Variants in GSN observed in about 807,000 individuals in gnomAD.
GSN encodes actin-depolymerizing factor.
A neutral mutation model predicts 85.7 loss-of-function variants in GSN; 56 were observed. That is an observed-to-expected ratio of 0.65 (90% confidence interval 0.53 to 0.82). The LOEUF (loss-of-function observed/expected upper bound fraction) is 0.82. GSN is among the 40% of genes least tolerant of loss of function. The probability of loss-of-function intolerance (pLI) is 0.00; values close to 1 mark genes in which losing one functional copy is unlikely to be tolerated. For missense variants in GSN, 857 were observed against 979.8 expected, an observed-to-expected ratio of 0.87 and a Z score of 1.67; for synonymous variants, 373 against 399.1, an observed-to-expected ratio of 0.93 and a Z score of 0.78.
intron 7 of GSN, among the ~76,000 whole-genome samples, chr9:121,316,054 C>T (rs2061672899): frequency 6.6e-6 from 1 of 152,210 alleles, no homozygotes; most frequent in Non-Finnish European, 1.5e-5. Flanking sequence ...AGGACTGCTA[C>T]CTCACAGTCA....
chr9:121,313,007 C>T (rs306762), intron 6 of GSN: 1 of 154,120 alleles, frequency 6.5e-6, no homozygotes, highest in African/African-American at 2.4e-5. Flanking sequence ...CACAACTCCC[C>T]GACTACCCTG....
chr9:121,266,913 A>C (rs1035252912), upstream of GSN, among the ~76,000 whole-genome samples: 13 of 152,166 alleles, frequency 8.5e-5, no homozygotes, highest in African/African-American at 3.1e-4. Flanking sequence ...CCTGGCTGCT[A>C]TTCAATGGAA....
chr9:121,259,567 A>T (rs1588504540), intron 6 of GSN, among the ~76,000 whole-genome samples: 2 of 152,284 alleles, frequency 1.3e-5, no homozygotes, highest in South Asian at 4.1e-4. Context: ...AACCAGCAGG[A>T]TTCTGTGGCA....
intron 4 of GSN, among the ~76,000 whole-genome samples, chr9:121,211,905 T>C (rs1564332453): frequency 6.6e-6 from 1 of 152,160 alleles, no homozygotes; most frequent in African/African-American, 2.4e-5. Flanking sequence ...AACAGCTGGA[T>C]AAGGGAATCT....
At chr9:121,286,167 G>A (rs1215246706) in intron 2 of GSN, 2 of 1,534,912 alleles carry the variant, frequency 1.3e-6, no homozygotes. Flanking sequence ...AAGCCCTCAG[G>A]GGCAATTCTG....
chr9:121,223,779 C>G (rs1422896578), intron 4 of GSN, among the ~76,000 whole-genome samples: 1 of 152,164 alleles, frequency 6.6e-6, no homozygotes, highest in Non-Finnish European at 1.5e-5. Context: ...CGTGCCTCAG[C>G]CTCCCGAGTA....
In GSN at chr9:121,281,501, T is replaced by G. The variant is rs1198254279; in HGVS notation, c.-71T>G. Reference sequence around the variant, plus strand: ...CTCATAGCTCTCTTTGTCCAGTGCTTCGGCCTTGGTCCCAGCGCCTTCCCA... The same window carrying G: ...CTCATAGCTCTCTTTGTCCAGTGCTGCGGCCTTGGTCCCAGCGCCTTCCCA... On this transcript the variant is annotated 5_prime_UTR_variant, in exon 2 of 18. Coordinates refer to ENST00000432226, the MANE Select transcript of GSN (RefSeq NM_198252.3). 1 of 392,864 alleles carries G rather than the reference T, an allele frequency of 2.5e-6. No homozygotes were observed. The highest frequency in any genetic ancestry group is 5.2e-6 in the Non-Finnish European group (1 of 191,056). The allele number at this position is 392,864 out of a possible 1,614,324, so 24.3% of individuals were successfully genotyped here.
intron 3 of GSN, 86 bp downstream of exon 3, chr9:121,302,253 G>A (rs2059961539): frequency 1.4e-6 from 2 of 1,431,022 alleles, no homozygotes; most frequent in Admixed American, 1.7e-5. Context: ...GGAGGGAACT[G>A]ATTATTGAGC....
At chr9:121,239,327 C>A in intron 5 of GSN, 1 of 420,732 alleles carries the variant, frequency 2.4e-6, no homozygotes. Context: ...GCAATCCACC[C>A]AATAGTTGGG....
intron 5 of GSN, among the ~76,000 whole-genome samples, chr9:121,242,627 G>C (rs1209583177): frequency 6.6e-6 from 1 of 152,192 alleles, no homozygotes; most frequent in Non-Finnish European, 1.5e-5. Flanking sequence ...GGTAGGGACT[G>C]TTGGTTGCCA....
intron 4 of GSN, among the ~76,000 whole-genome samples, chr9:121,230,695 T>C (rs2054370923): frequency 6.6e-6 from 1 of 152,190 alleles, no homozygotes; most frequent in South Asian, 2.1e-4. Flanking sequence ...TTAAATGGGT[T>C]CATTCATAGA....
chr9:121,276,511 G>T (rs1338773137), intron 1 of GSN, among the ~76,000 whole-genome samples: 3 of 152,230 alleles, frequency 2.0e-5, no homozygotes, highest in African/African-American at 7.2e-5. Flanking sequence ...ACTTTGGTGT[G>T]ACTGTGGTGA....
chr9:121,279,121 G>C (rs535417220), intron 1 of GSN, among the ~76,000 whole-genome samples: 1 of 152,066 alleles, frequency 6.6e-6, no homozygotes, highest in South Asian at 2.1e-4. Context: ...GGCAGATTAG[G>C]GGGTGTGGAG....
upstream of GSN, among the ~76,000 whole-genome samples, chr9:121,206,935 G>A (rs900948992): frequency 5.9e-5 from 9 of 152,064 alleles, no homozygotes; most frequent in Non-Finnish European, 1.2e-4. Flanking sequence ...CACACTCAGT[G>A]GGGCATAATG....
chr9:121,286,136 G>A (rs1223672980), intron 2 of GSN: 2 of 1,535,484 alleles, frequency 1.3e-6, no homozygotes, highest in Non-Finnish European at 1.7e-6. Flanking sequence ...GCTCCCCCCA[G>A]CCTCGCGATG....
chr9:121,313,008 G>A (rs1348395035), intron 6 of GSN: 1 of 154,744 alleles, frequency 6.5e-6, no homozygotes, highest in Non-Finnish European at 1.4e-5. Context: ...ACAACTCCCC[G>A]ACTACCCTGA....
chr9:121,324,100 C>T (rs2062848002), intron 11 of GSN, among the ~76,000 whole-genome samples: 1 of 152,184 alleles, frequency 6.6e-6, no homozygotes, highest in South Asian at 2.1e-4. Flanking sequence ...TTTTGGTGAA[C>T]ATCTGTGCAG....
intron 2 of GSN, among the ~76,000 whole-genome samples, chr9:121,289,198 C>G (rs1024038790): frequency 2.0e-5 from 3 of 151,986 alleles, no homozygotes; most frequent in Admixed American, 1.3e-4. Flanking sequence ...CTCCCTCCTC[C>G]TCCCTGTCTC....
At chr9:121,254,821 T>C (rs1173263564) in intron 6 of GSN, among the ~76,000 whole-genome samples, 3 of 152,236 alleles carry the variant, frequency 2.0e-5, no homozygotes, top group Non-Finnish European at 4.4e-5. Flanking sequence ...AATCTCCTTT[T>C]GCCCTGCCTG....
Sources: allele counts gnomAD v4.1 joint callset (sites outside exome capture counted in the v4.1 genomes callset), GRCh38; gene constraint gnomAD v4.1.1; transcripts MANE v1.5; gene names NCBI Gene and HGNC (gene_info 2026-07-23, HGNC 2026-07-21).